The following TEX11 variants were observed in gnomAD, a reference collection of about 807,000 sequenced individuals.
TEX11 encodes testis-expressed protein 11.
Under a neutral mutation model 84.4 loss-of-function variants are expected in TEX11, and 7 were observed. The ratio of observed to expected loss-of-function variants is 0.08; its 90% CI spans 0.05 to 0.16. TEX11 has a LOEUF of 0.16. TEX11 is among the 10% of genes least tolerant of loss of function. TEX11 has a pLI of 1.00. For synonymous variants in TEX11, 264 were observed against 222.8 expected (o/e 1.18, Z -1.64); for missense variants, 551 against 660.5 (o/e 0.83, Z 1.82).
chrX:70,586,402 T>A (rs755525317), intron 25 of TEX11, among the ~76,000 whole-genome samples: 2 of 111,628 alleles, frequency 1.8e-5, no homozygotes, highest in South Asian at 7.5e-4. Flanking sequence ...CAGGAGAAAA[T>A]ATTTGCAAAT....
At chrX:70,593,967 A>G in intron 24 of TEX11, among the ~76,000 whole-genome samples, 1 of 111,783 alleles carries the variant, frequency 8.9e-6, no homozygotes, top group African/African-American at 3.2e-5. Flanking sequence ...ATTTTAAACA[A>G]ATGGCTGAAA....
At chrX:70,560,678 TC>T (rs2088356766) in intron 25 of TEX11, among the ~76,000 whole-genome samples, 1 of 110,675 alleles carries the variant, frequency 9.0e-6, no homozygotes, top group African/African-American at 3.3e-5. Flanking sequence ...TAAACTTTTG[TC>T]TCCACAAAGT....
intron 28 of TEX11, among the ~76,000 whole-genome samples, chrX:70,540,158 C>T (rs907104740): frequency 8.9e-6 from 1 of 111,912 alleles, no homozygotes; most frequent in African/African-American, 3.2e-5. Context: ...CTCATTATAC[C>T]AATAATCAGG....
At chrX:70,667,338 A>G (rs1182747778) in intron 16 of TEX11, among the ~76,000 whole-genome samples, 2 of 111,816 alleles carry the variant, frequency 1.8e-5, no homozygotes, top group African/African-American at 6.5e-5. Context: ...CATAATACTT[A>G]TTTATCTTTT....
intron 24 of TEX11, among the ~76,000 whole-genome samples, chrX:70,597,948 G>A (rs944543341): frequency 1.5e-4 from 17 of 111,824 alleles, no homozygotes; most frequent in African/African-American, 5.2e-4. Context: ...TTGGAAGGCC[G>A]AGGTGGGGGG....
chrX:70,882,157 C>T (rs759301814), intron 2 of TEX11, among the ~76,000 whole-genome samples: 12 of 110,472 alleles, frequency 1.1e-4, no homozygotes, highest in Non-Finnish European at 2.1e-4. Context: ...AAGTATTGGG[C>T]TGAGGGGCAT....
chrX:70,860,819 C>T (rs750925430), intron 5 of TEX11, 38 bp downstream of exon 5: 6 of 975,734 alleles, frequency 6.1e-6, no homozygotes, highest in Non-Finnish European at 8.7e-6. Flanking sequence ...TAACAACCAT[C>T]TCATTTCATC....
At chrX:70,867,716 A>G (rs187708491) in intron 4 of TEX11, among the ~76,000 whole-genome samples, 42 of 111,084 alleles carry the variant, frequency 3.8e-4, no homozygotes, top group African/African-American at 1.1e-3. Context: ...TTCAGAAATA[A>G]CACCACCCAT....
chrX:70,527,780 C>A (rs2087837331), downstream of TEX11, among the ~76,000 whole-genome samples: 1 of 111,412 alleles, frequency 9.0e-6, no homozygotes, highest in African/African-American at 3.3e-5. Flanking sequence ...AGGATGTCTG[C>A]AAATTAATCT....
At chrX:70,838,991 G>C (rs1265910322) in intron 7 of TEX11, among the ~76,000 whole-genome samples, 1 of 112,612 alleles carries the variant, frequency 8.9e-6, no homozygotes, top group Non-Finnish European at 1.9e-5. Flanking sequence ...AAAGCAGCCG[G>C]GAAGCTCGAA....
intron 8 of TEX11, among the ~76,000 whole-genome samples, chrX:70,808,514 AATTATT>A (rs1179004505): frequency 9.3e-6 from 1 of 107,491 alleles, no homozygotes; most frequent in Non-Finnish European, 1.9e-5. Context: ...AAATAATAAT[AATTATT>A]ATTATTATAT....
chrX:70,536,447 G>A (rs1371686657), intron 28 of TEX11, among the ~76,000 whole-genome samples: 1 of 111,735 alleles, frequency 8.9e-6, no homozygotes, highest in Non-Finnish European at 1.9e-5. Context: ...AATAAATGGT[G>A]TAGCCAGAAT....
chrX:70,751,425 T>C (rs1439721422), intron 9 of TEX11, among the ~76,000 whole-genome samples: 1 of 90,603 alleles, frequency 1.1e-5, no homozygotes, highest in Non-Finnish European at 2.1e-5. Context: ...TAGGTGGGAA[T>C]TGAACAATGA....
At chrX:70,839,831 A>G (rs1277412655) in intron 7 of TEX11, among the ~76,000 whole-genome samples, 1 of 112,078 alleles carries the variant, frequency 8.9e-6, no homozygotes, top group Non-Finnish European at 1.9e-5. Flanking sequence ...CACGAGAGCT[A>G]CGTGATGAAC....
At chrX:70,849,007 A>G (rs944807698) in intron 7 of TEX11, among the ~76,000 whole-genome samples, 4 of 112,182 alleles carry the variant, frequency 3.6e-5, no homozygotes, top group Admixed American at 1.9e-4. Flanking sequence ...ATCTATAGTT[A>G]TTTTTACAAT....
At chrX:70,754,982 T>C (rs2090857347) in intron 9 of TEX11, among the ~76,000 whole-genome samples, 1 of 111,863 alleles carries the variant, frequency 8.9e-6, no homozygotes, top group Non-Finnish European at 1.9e-5. Flanking sequence ...CTTCTGAACA[T>C]GGGGAAAGCC....
At chrX:70,886,832 A>G (rs986891045) in intron 2 of TEX11, among the ~76,000 whole-genome samples, 8 of 112,070 alleles carry the variant, frequency 7.1e-5, no homozygotes, top group African/African-American at 2.3e-4. Context: ...TTGGAAGGCA[A>G]TTGGCTGGGG....
rs1184455196 is a variant in TEX11 at position 70,609,094 on chromosome X, T to A, written c.1876A>T (p.Thr626Ser). 1 of 1,198,773 alleles carries A rather than the reference T, an allele frequency of 8.3e-7. No individual in the cohort carries two copies. The highest frequency in any genetic ancestry group is 1.1e-6 in the Non-Finnish European group (1 of 889,174). ...RANEAQWFRK[T>S]AWNLAVQCDK... ...GAGCCACAGAATTTCCTCTTACCTG[T>A]TTTTCGAAACCACTGAGCTTCATTA... is the stretch of plus-strand genomic sequence containing the variant. Residue 626 changes from threonine (T) to serine (S), a missense_variant, in exon 22 of 30, where the codon ACA becomes TCA. Physicochemically the swap from Thr to Ser is moderately conservative, Grantham distance 58. Transcript: ENST00000374333.
chrX:70,738,565 G>A (rs1451602527), intron 11 of TEX11, among the ~76,000 whole-genome samples: 1 of 111,991 alleles, frequency 8.9e-6, no homozygotes, highest in East Asian at 2.8e-4. Context: ...TCTAGAACCA[G>A]AAATACCATT....
Sources: gnomAD v4.1 joint callset for allele counts (sites outside exome capture counted in the v4.1 genomes callset) on GRCh38, gnomAD v4.1.1 for gene constraint, MANE v1.5 for transcripts, NCBI Gene and HGNC (gene_info 2026-07-23, HGNC 2026-07-21) for gene names.